The following ZSWIM6 variants were observed in gnomAD, a reference collection of about 807,000 sequenced individuals.
ZSWIM6 encodes the protein zinc finger SWIM-type containing 6.
In ZSWIM6, 9 loss-of-function variants were observed where a neutral mutation model predicts 113.2. That is an observed-to-expected ratio of 0.08 (90% CI 0.05 to 0.14). The LOEUF is 0.14. Among genes scored for constraint, ZSWIM6 ranks in the 10% least tolerant of loss-of-function variants. The pLI is 1.00. For synonymous variants in ZSWIM6, 611 were observed against 606.5 expected, an observed-to-expected ratio of 1.01 and a Z score of -0.11; for missense variants, 1,162 against 1,552.2, an observed-to-expected ratio of 0.75 and a Z score of 4.22.
chr5:61,347,984 G>A (rs976408818), intron 1 of ZSWIM6, among the ~76,000 whole-genome samples: 1 of 152,218 alleles, frequency 6.6e-6, no homozygotes, highest in Non-Finnish European at 1.5e-5. Flanking sequence ...CACTTTGGGA[G>A]GCTGAGGCGG....
At chr5:61,438,835 T>G (rs1408757420) in intron 1 of ZSWIM6, among the ~76,000 whole-genome samples, 1 of 152,122 alleles carries the variant, frequency 6.6e-6, no homozygotes, top group Non-Finnish European at 1.5e-5. Context: ...GCATTCCAAC[T>G]CCAAGAACAG....
At chr5:61,431,978 G>GT (rs1746594004) in intron 1 of ZSWIM6, among the ~76,000 whole-genome samples, 2 of 151,848 alleles carry the variant, frequency 1.3e-5, no homozygotes, top group Admixed American at 1.3e-4. Context: ...TCTCCTTTCT[G>GT]TTTTTTTGAA....
intron 1 of ZSWIM6, among the ~76,000 whole-genome samples, chr5:61,335,538 G>A (rs1385526540): frequency 6.6e-6 from 1 of 152,202 alleles, no homozygotes; most frequent in African/African-American, 2.4e-5. Context: ...TAACTTGAAA[G>A]GCTTATTTTA....
chr5:61,346,651 G>A (rs921110953), intron 1 of ZSWIM6, among the ~76,000 whole-genome samples: 8 of 152,224 alleles, frequency 5.3e-5, no homozygotes. Flanking sequence ...AGCCCAGTAG[G>A]TAGTTTGATT....
rs1245985227 is a variant in ZSWIM6 at position 61,521,398 on chromosome 5, C to T, written c.1469C>T (p.Pro490Leu). ...GATGGAAATCATGGCAGTGAATTAC[C>T]CAACTTAACCAATGCTCTGCCTCAG... ...WEDGNHGSELPNLTNALPQGA... is the reference protein window; with the variant it reads ...WEDGNHGSELLNLTNALPQGA... The change falls in exon 5 of 14, where the codon CCC becomes CTC. Residue 490 changes from proline to leucine, a missense_variant. Pro to Leu is a moderately conservative substitution (Grantham distance 98, BLOSUM62 -3). Transcript: ENST00000252744. 6 of 1,526,056 alleles carry T rather than the reference C, an allele frequency of 3.9e-6. No homozygotes were observed. In the South Asian group the frequency reaches 7.5e-5, roughly 19 times the overall value. 94.5% of individuals were successfully genotyped at this position (1,526,056 alleles called of 1,614,324 possible).
intron 10 of ZSWIM6, among the ~76,000 whole-genome samples, chr5:61,537,448 T>C (rs1053524881): frequency 6.6e-6 from 1 of 152,088 alleles, no homozygotes; most frequent in Non-Finnish European, 1.5e-5. Context: ...AGAGGAAGGC[T>C]AAGGAAGGTC....
chr5:61,392,500 G>T (rs1294158849), intron 1 of ZSWIM6, among the ~76,000 whole-genome samples: 1 of 152,174 alleles, frequency 6.6e-6, no homozygotes, highest in Non-Finnish European at 1.5e-5. Flanking sequence ...TTAACAGTTT[G>T]ATAATATGCA....
At chr5:61,428,816 T>A (rs1746519926) in intron 1 of ZSWIM6, among the ~76,000 whole-genome samples, 1 of 152,238 alleles carries the variant, frequency 6.6e-6, no homozygotes, top group African/African-American at 2.4e-5. Context: ...TTTTATTATT[T>A]TTTTCTTTCT....
chr5:61,337,124 T>TA (rs1279022025), intron 1 of ZSWIM6, among the ~76,000 whole-genome samples: 1 of 151,790 alleles, frequency 6.6e-6, no homozygotes. Context: ...CTACTAAAAA[T>TA]ACAAAAATTA....
intron 2 of ZSWIM6, among the ~76,000 whole-genome samples, chr5:61,489,363 TTATACATTTA>T (rs1343305872): frequency 6.6e-6 from 1 of 152,022 alleles, no homozygotes; most frequent in African/African-American, 2.4e-5. Context: ...TTACCATTTA[TTATACATTTA>T]TATATATGAT....
intron 1 of ZSWIM6, among the ~76,000 whole-genome samples, chr5:61,443,702 C>T (rs1443927566): frequency 6.6e-6 from 1 of 152,096 alleles, no homozygotes; most frequent in Non-Finnish European, 1.5e-5. Context: ...GACTCAGTTT[C>T]CCAAGCAATA....
At chr5:61,471,928 TTGTGTGTGTG>T (rs111311363) in intron 1 of ZSWIM6, among the ~76,000 whole-genome samples, 1 of 150,102 alleles carries the variant, frequency 6.7e-6, no homozygotes, top group Non-Finnish European at 1.5e-5. Context: ...TACCGTGTAT[TTGTGTGTGTG>T]TGTGTGTGTG....
chr5:61,408,821 A>C (rs1417843559), intron 1 of ZSWIM6, among the ~76,000 whole-genome samples: 1 of 152,204 alleles, frequency 6.6e-6, no homozygotes, highest in Non-Finnish European at 1.5e-5. Flanking sequence ...ACTGTTTAGG[A>C]ATGCGGCCGC....
chr5:61,520,920 T>C (rs1411413872), intron 4 of ZSWIM6, among the ~76,000 whole-genome samples: 3 of 152,116 alleles, frequency 2.0e-5, no homozygotes, highest in African/African-American at 7.2e-5. Flanking sequence ...AGTAAGAAGT[T>C]GATTACTATT....
intron 1 of ZSWIM6, among the ~76,000 whole-genome samples, chr5:61,357,832 G>C (rs1009955589): frequency 6.6e-6 from 1 of 152,070 alleles, no homozygotes; most frequent in Admixed American, 6.6e-5. Flanking sequence ...ACAAGTGTCT[G>C]TAAATTTGGA....
At chr5:61,486,394 GT>G (rs199999297) in intron 2 of ZSWIM6, among the ~76,000 whole-genome samples, 3,701 of 152,154 alleles carry the variant, frequency 0.024, 163 homozygotes, top group South Asian at 0.18. Flanking sequence ...GAAAAATGCT[GT>G]GATATAACGT....
intron 1 of ZSWIM6, among the ~76,000 whole-genome samples, chr5:61,432,662 A>G (rs1746611866): frequency 6.6e-6 from 1 of 152,208 alleles, no homozygotes; most frequent in African/African-American, 2.4e-5. Flanking sequence ...CCTATGAGAT[A>G]ATATTCATTT....
At position 61,468,160 on chromosome 5, in the gene ZSWIM6, G is replaced by T. The variant is rs191990570; in HGVS notation, c.677-4521G>T. Among the ~76,000 whole-genome samples, 40 of 152,312 alleles carry T rather than the reference G, an allele frequency of 2.6e-4. 1 individual carries two copies. The East Asian group carries it at 7.5e-3, about 29-fold the overall frequency. ...CACAAATAAAGCAAGATTCAGAGAGGTTAAATATTTAATATAAGATATGTA... is the reference window on the plus strand; with the variant it reads ...CACAAATAAAGCAAGATTCAGAGAGTTTAAATATTTAATATAAGATATGTA... On this transcript the variant is annotated intron_variant, in intron 1 of 13. Coordinates refer to ENST00000252744, the MANE Select transcript of ZSWIM6 (RefSeq NM_020928.2).
At chr5:61,352,404 T>C (rs1166894376) in intron 1 of ZSWIM6, among the ~76,000 whole-genome samples, 1 of 152,226 alleles carries the variant, frequency 6.6e-6, no homozygotes, top group African/African-American at 2.4e-5. Flanking sequence ...CATTTGCACA[T>C]AGTTGTCTCT....
Sources: gnomAD v4.1 joint callset for allele counts (sites outside exome capture counted in the v4.1 genomes callset) on GRCh38, gnomAD v4.1.1 for gene constraint, MANE v1.5 for transcripts, NCBI Gene and HGNC (gene_info 2026-07-23, HGNC 2026-07-21) for gene names.